Variants in SHROOM2 observed in about 807,000 individuals in gnomAD.
SHROOM2 encodes the protein shroom family member 2.
A neutral mutation model predicts 75.9 loss-of-function variants in SHROOM2; 33 were observed. That is an observed-to-expected ratio of 0.43 (90% CI 0.33 to 0.58). SHROOM2 has a LOEUF of 0.58. SHROOM2 is among the 20% of genes least tolerant of loss of function. The pLI is 0.04. For synonymous variants in SHROOM2, 655 were observed against 663.6 expected, an observed-to-expected ratio of 0.99 and a Z score of 0.20; for missense variants, 1,434 against 1,461.2, an observed-to-expected ratio of 0.98 and a Z score of 0.30.
intron 1 of SHROOM2, among the ~76,000 whole-genome samples, chrX:9,849,151 A>G (rs2084024568): frequency 8.9e-6 from 1 of 111,797 alleles, no homozygotes; most frequent in Non-Finnish European, 1.9e-5. Context: ...CAGATGGTGT[A>G]GGAGTGCTGC....
intron 1 of SHROOM2, among the ~76,000 whole-genome samples, chrX:9,820,086 C>T (rs1233908507): frequency 9.4e-6 from 1 of 106,577 alleles, no homozygotes; most frequent in African/African-American, 3.4e-5. Context: ...CAGGCATGAG[C>T]CACCGTGCCT....
At chrX:9,812,003 T>C (rs1469220307) in intron 1 of SHROOM2, among the ~76,000 whole-genome samples, 3 of 111,906 alleles carry the variant, frequency 2.7e-5, no homozygotes, top group African/African-American at 6.5e-5. Context: ...CCCAGCTTTA[T>C]GGCTAGATGG....
rs201469300 is a variant in SHROOM2, at chrX:9,913,743, A to G, written c.2891+15453A>G. Reference sequence around the variant, plus strand: ...TTTGAAGAAAGGTTTTTGGAAATCTACCTGGTAGCACTTACGAGTAAACAG... The same window carrying G: ...TTTGAAGAAAGGTTTTTGGAAATCTGCCTGGTAGCACTTACGAGTAAACAG... On this transcript the variant is annotated intron_variant, in intron 5 of 9. Transcript: ENST00000380913. Among the ~76,000 whole-genome samples the G allele has an allele frequency of 8.0e-5, 9 of 112,296 alleles. No individual in the cohort carries two copies. In the East Asian group the frequency reaches 2.5e-3, roughly 31 times the overall value.
At position 9,917,197 on chromosome X, in the gene SHROOM2, G is replaced by A. The variant is rs1032729730; in HGVS notation, c.2892-14978G>A. 4.5e-5 allele frequency among the ~76,000 whole-genome samples: 5 copies of A among 111,846 alleles called. No homozygotes were observed. In the East Asian group the frequency reaches 8.5e-4, roughly 19 times the overall value. On this transcript the variant is annotated intron_variant, in intron 5 of 9. Transcript: ENST00000380913. Reference sequence around the variant, plus strand: ...TTTTGCTCTGGTTGACAGGAAACTCGTGGTCCTATTGGAAGCACAACCATA... The same window carrying A: ...TTTTGCTCTGGTTGACAGGAAACTCATGGTCCTATTGGAAGCACAACCATA...
At chrX:9,858,000 C>T (rs1310036773) in intron 1 of SHROOM2, among the ~76,000 whole-genome samples, 1 of 111,444 alleles carries the variant, frequency 9.0e-6, no homozygotes, top group Non-Finnish European at 1.9e-5. Context: ...CCTCTGCGAG[C>T]GCTGGCGTGT....
chrX:9,928,556 G>A (rs2084616793), intron 5 of SHROOM2, among the ~76,000 whole-genome samples: 1 of 111,715 alleles, frequency 9.0e-6, no homozygotes, highest in Admixed American at 9.5e-5. Flanking sequence ...TCTACACACA[G>A]GCACAACAGA....
At chrX:9,941,712 T>C (rs889487012) in intron 8 of SHROOM2, among the ~76,000 whole-genome samples, 55 of 110,753 alleles carry the variant, frequency 5.0e-4, no homozygotes, top group East Asian at 1.4e-3. Flanking sequence ...TGGCTCACGC[T>C]TGTAATCCCA....
intron 3 of SHROOM2, 150 bp downstream of exon 3, chrX:9,891,258 C>T (rs2084290418): frequency 1.0e-5 from 7 of 692,932 alleles, no homozygotes; most frequent in Admixed American, 8.9e-5. Context: ...TTGACTGAAC[C>T]GGCAAGCGTG....
At chrX:9,920,898 A>G (rs748724024) in intron 5 of SHROOM2, among the ~76,000 whole-genome samples, 4 of 112,717 alleles carry the variant, frequency 3.5e-5, no homozygotes, top group South Asian at 7.3e-4. Flanking sequence ...ACCTTGCTGC[A>G]TAACAAATCG....
chrX:9,900,366 G>A lies in SHROOM2; in HGVS notation c.2891+2076G>A, dbSNP rs1177596434. On this transcript the variant is annotated intron_variant, in intron 5 of 9. Transcript: ENST00000380913. ...ATAATAGAAGTCAAAGTTCAGGCAA[G>A]GGATTGTTCTTTGCCCACCAAAAAG... 2.7e-5 allele frequency among the ~76,000 whole-genome samples: 3 copies of A among 112,055 alleles called. No homozygotes were observed. In the Admixed American group the frequency reaches 2.8e-4, roughly 11 times the overall value.
chrX:9,829,356 A>G (rs1295208071), intron 1 of SHROOM2, among the ~76,000 whole-genome samples: 1 of 112,310 alleles, frequency 8.9e-6, no homozygotes, highest in Non-Finnish European at 1.9e-5. Flanking sequence ...CAGTCTACAC[A>G]TGCCAGCTGT....
chrX:9,823,726 A>G (rs1569142473), intron 1 of SHROOM2, among the ~76,000 whole-genome samples: 1 of 106,567 alleles, frequency 9.4e-6, no homozygotes, highest in African/African-American at 3.4e-5. Context: ...TTACATGGAG[A>G]AACAACATTT....
chrX:9,823,133 CCT>C (rs1376341013), intron 1 of SHROOM2, among the ~76,000 whole-genome samples: 15 of 94,864 alleles, frequency 1.6e-4, no homozygotes, highest in African/African-American at 5.2e-4. Flanking sequence ...TCTCCTTCTC[CCT>C]TCTCCTTCTC....
chrX:9,935,308 CTTTTA>C (rs2084690838), intron 6 of SHROOM2, among the ~76,000 whole-genome samples: 1 of 68,904 alleles, frequency 1.5e-5, no homozygotes, highest in Non-Finnish European at 2.4e-5. Context: ...TTTCCTCCTT[CTTTTA>C]TTATTATTAT....
chrX:9,935,334 A>T (rs866479850), intron 6 of SHROOM2, among the ~76,000 whole-genome samples: 1 of 96,873 alleles, frequency 1.0e-5, no homozygotes, highest in African/African-American at 4.3e-5. Context: ...TATTATTATT[A>T]TTTATTATTA....
At chrX:9,919,476 C>T (rs1313950087) in intron 5 of SHROOM2, among the ~76,000 whole-genome samples, 3 of 107,719 alleles carry the variant, frequency 2.8e-5, no homozygotes, top group South Asian at 4.2e-4. Flanking sequence ...GGACTACAGG[C>T]GCCCACCACC....
At chrX:9,908,943 A>G (rs2084405763) in intron 5 of SHROOM2, among the ~76,000 whole-genome samples, 1 of 106,319 alleles carries the variant, frequency 9.4e-6, no homozygotes, top group African/African-American at 3.4e-5. Context: ...ACCCTCTCTC[A>G]AAAATAAATA....
chrX:9,888,567 C>T (rs1438491769), intron 2 of SHROOM2, among the ~76,000 whole-genome samples: 3 of 111,459 alleles, frequency 2.7e-5, no homozygotes, highest in South Asian at 7.5e-4. Flanking sequence ...CCTCATTCTC[C>T]CTAGTAGCTG....
At chrX:9,901,976 A>G (rs1377467586) in intron 5 of SHROOM2, among the ~76,000 whole-genome samples, 10 of 87,380 alleles carry the variant, frequency 1.1e-4, no homozygotes, top group Non-Finnish European at 2.1e-4. Context: ...ACCAGTCCTC[A>G]GGTAGATAGT....
Sources: allele counts gnomAD v4.1 joint callset (sites outside exome capture counted in the v4.1 genomes callset), GRCh38; gene constraint gnomAD v4.1.1; transcripts MANE v1.5; gene names NCBI Gene and HGNC (gene_info 2026-07-23, HGNC 2026-07-21).